MN1: variants seen among roughly 807,000 people sequenced by gnomAD.
MN1 encodes the protein MN1 proto-oncogene, transcriptional regulator.
MN1 carries 19 observed loss-of-function variants against 86.9 expected under a neutral mutation model. The observed-to-expected ratio is 0.22, with a 90% CI of 0.15 to 0.32. The LOEUF (loss-of-function observed/expected upper bound fraction) is 0.32, where lower values mean the gene tolerates loss of function less well. MN1 is among the 10% of genes least tolerant of loss of function. MN1 has a pLI of 1.00. For missense variants in MN1, 1,841 were observed against 1,862.0 expected, an observed-to-expected ratio of 0.99 and a Z score of 0.21; for synonymous variants, 928 against 849.6, an observed-to-expected ratio of 1.09 and a Z score of -1.60.
At chr22:27,752,275 A>G (rs2123874011) in intron 1 of MN1, among the ~76,000 whole-genome samples, 1 of 152,336 alleles carries the variant, frequency 6.6e-6, no homozygotes, top group African/African-American at 2.4e-5. Context: ...AGGTGTTTGT[A>G]TAAACTGTAA....
At chr22:27,791,008 C>T (rs1018946729) in intron 1 of MN1, among the ~76,000 whole-genome samples, 3 of 152,138 alleles carry the variant, frequency 2.0e-5, no homozygotes, top group African/African-American at 4.8e-5. Flanking sequence ...CTCCTTTCCC[C>T]GCTCGCCTTC....
intron 1 of MN1, among the ~76,000 whole-genome samples, chr22:27,762,003 G>A (rs1158604700): frequency 1.3e-5 from 2 of 152,182 alleles, no homozygotes; most frequent in African/African-American, 4.8e-5. Flanking sequence ...CTGAAGGAGG[G>A]GATGAGGTGG....
rs1933346592 is a variant in MN1, at chr22:27,798,336, A to T, written c.2208T>A (p.Ala736=). 1 of 1,515,136 alleles carries T rather than the reference A, an allele frequency of 6.6e-7. No individual in the cohort carries two copies. Among genetic ancestry groups the T allele is most frequent in the South Asian group, 1.2e-5 (1 of 82,046 alleles). 93.9% of individuals were successfully genotyped at this position (1,515,136 alleles called of 1,614,324 possible). A position where few individuals can be genotyped will look rare whatever the true frequency, so the allele number is the denominator to read the frequency against. ...CCGGCTGGCCCCCGAGCGCAGACGT[A>T]GCAAAGTCCGGCGGCGGGGGCCGGC... ...SERRPPPPDF[A]TSALGGQPGF... is the part of the protein sequence containing the mutation. Residue 736 remains alanine, a synonymous_variant, in exon 1 of 2, where the codon GCT becomes GCA. Coordinates refer to ENST00000302326, the MANE Select transcript of MN1 (RefSeq NM_002430.3).
intron 1 of MN1, among the ~76,000 whole-genome samples, chr22:27,769,846 G>A (rs1434634761): frequency 3.5e-5 from 5 of 142,658 alleles, no homozygotes; most frequent in Non-Finnish European, 7.8e-5. Flanking sequence ...GAGCAACTGT[G>A]CCCGGCAAGG....
At chr22:27,768,810 A>T (rs1236321835) in intron 1 of MN1, among the ~76,000 whole-genome samples, 1 of 152,106 alleles carries the variant, frequency 6.6e-6, no homozygotes, top group Non-Finnish European at 1.5e-5. Context: ...TGTCTCTAAA[A>T]ATAATTAATT....
chr22:27,766,433 T>A (rs943320971), intron 1 of MN1, among the ~76,000 whole-genome samples: 12 of 151,970 alleles, frequency 7.9e-5, no homozygotes, highest in African/African-American at 2.7e-4. Flanking sequence ...CCACACTCCT[T>A]CCAGCAGGAG....
chr22:27,793,752 C>CAT (rs947866141), intron 1 of MN1, among the ~76,000 whole-genome samples: 61 of 152,328 alleles, frequency 4.0e-4, no homozygotes, highest in African/African-American at 1.4e-3. Flanking sequence ...AAGGACATCT[C>CAT]AAGCCCATAA....
chr22:27,795,075 A>T (rs1933270910), intron 1 of MN1, among the ~76,000 whole-genome samples: 1 of 151,780 alleles, frequency 6.6e-6, no homozygotes, highest in Non-Finnish European at 1.5e-5. Context: ...GGGGGGAAAA[A>T]AGGGAGAAGA....
intron 1 of MN1, among the ~76,000 whole-genome samples, chr22:27,751,898 C>T (rs555688620): frequency 6.6e-6 from 1 of 152,226 alleles, no homozygotes; most frequent in Admixed American, 6.5e-5. Context: ...CCCTTTTCAG[C>T]CCCTCTCCCA....
chr22:27,797,183 C>A lies in MN1; in HGVS notation c.3361G>T (p.Gly1121Cys). Residue 1121 changes from glycine (G) to cysteine (C), a missense_variant, in exon 1 of 2, where the codon GGT (glycine) becomes TGT (cysteine). By Grantham distance (159) the Gly-to-Cys change is radical. Coordinates refer to ENST00000302326, the MANE Select transcript of MN1 (RefSeq NM_002430.3). ...STSTPDSYGG[G>C]GGPGHPGTPG... is the part of the protein sequence containing the mutation. Reference sequence around the variant, plus strand: ...GTGCCCGGATGGCCCGGGCCCCCACCGCCGCCGTAGCTGTCAGGGGTCGAG... The same window carrying A: ...GTGCCCGGATGGCCCGGGCCCCCACAGCCGCCGTAGCTGTCAGGGGTCGAG... 2 of 1,557,174 alleles carry A rather than the reference C, an allele frequency of 1.3e-6. No homozygotes were observed. Among genetic ancestry groups the A allele is most frequent in the South Asian group, 1.2e-5 (1 of 86,208 alleles).
chr22:27,790,647 T>G (rs1933198160), intron 1 of MN1, among the ~76,000 whole-genome samples: 2 of 128,388 alleles, frequency 1.6e-5, no homozygotes, highest in Admixed American at 1.9e-4. Context: ...TTTCCATAAA[T>G]GAGAAGCAGC....
chr22:27,776,215 T>C (rs955089332), intron 1 of MN1, among the ~76,000 whole-genome samples: 1 of 152,184 alleles, frequency 6.6e-6, no homozygotes, highest in Non-Finnish European at 1.5e-5. Context: ...GGGGAGGCTC[T>C]GGCTAGAAGA....
intron 1 of MN1, among the ~76,000 whole-genome samples, chr22:27,760,043 A>C (rs6005609): frequency 2.6e-4 from 39 of 152,108 alleles, no homozygotes; most frequent in African/African-American, 8.9e-4. Flanking sequence ...GTCTCTATAA[A>C]ATTTTTTTAA....
At chr22:27,756,422 G>T in intron 1 of MN1, among the ~76,000 whole-genome samples, 1 of 152,110 alleles carries the variant, frequency 6.6e-6, no homozygotes. Context: ...GCAAAGGGCT[G>T]CCTCGGTGGT....
intron 1 of MN1, 150 bp from the exon 2 acceptor site, chr22:27,751,246 G>T: frequency 3.7e-6 from 2 of 547,208 alleles, no homozygotes; most frequent in Non-Finnish European, 2.9e-6. Flanking sequence ...ATCTAGAGAT[G>T]TTGTTTTGAA....
At chr22:27,763,102 C>A (rs1008070475) in intron 1 of MN1, among the ~76,000 whole-genome samples, 2 of 151,686 alleles carry the variant, frequency 1.3e-5, no homozygotes, top group African/African-American at 4.8e-5. Flanking sequence ...CTCAAAAAAA[C>A]AAAACAAAAC....
rs191377624 is a variant in MN1 at position 27,800,713 on chromosome 22, G to A, written c.-170C>T. On this transcript the variant is annotated 5_prime_UTR_variant, in exon 1 of 2. Transcript: ENST00000302326. ...CCTGATGTGAGGGACGGGGGGCGGG[G>A]TATTAGCTCCTCTCCTGAAGCTCCG... 8.4e-4 allele frequency: 624 copies of A among 739,366 alleles called. 6 individuals carry two copies. In the African/African-American group the frequency reaches 9.6e-3, roughly 11 times the overall value. 45.8% of individuals were successfully genotyped at this position (739,366 alleles called of 1,614,324 possible).
intron 1 of MN1, among the ~76,000 whole-genome samples, chr22:27,773,943 C>T (rs1310621181): frequency 3.9e-5 from 6 of 152,224 alleles, no homozygotes; most frequent in African/African-American, 7.2e-5. Context: ...CGTGAGCCAC[C>T]GCGCCCGGCC....
intron 1 of MN1, chr22:27,791,754 G>A (rs1340101503): frequency 6.6e-6 from 1 of 152,164 alleles, no homozygotes; most frequent in Non-Finnish European, 1.5e-5. Flanking sequence ...TACCAAGAGT[G>A]TTTATCTCTC....
Sources: gnomAD v4.1 joint callset for allele counts (sites outside exome capture counted in the v4.1 genomes callset) on GRCh38, gnomAD v4.1.1 for gene constraint, MANE v1.5 for transcripts, NCBI Gene and HGNC (gene_info 2026-07-23, HGNC 2026-07-21) for gene names.